TRIM24: variants seen among roughly 807,000 people sequenced by gnomAD.
TRIM24 encodes tripartite motif containing 24, also known as transcription intermediary factor 1-alpha.
A neutral mutation model predicts 123.9 loss-of-function variants in TRIM24; 29 were observed. That is an observed-to-expected ratio of 0.23 (90% CI 0.17 to 0.32). TRIM24 has a LOEUF of 0.32. Among genes scored for constraint, TRIM24 ranks in the 10% least tolerant of loss-of-function variants. The pLI is 1.00. For missense variants in TRIM24, 932 were observed against 1,295.3 expected (o/e 0.72, Z 4.31); for synonymous variants, 456 against 461.1 (o/e 0.99, Z 0.14).
At chr7:138,583,305 G>A (rs1797941448) in intron 17 of TRIM24, among the ~76,000 whole-genome samples, 1 of 152,202 alleles carries the variant, frequency 6.6e-6, no homozygotes, top group African/African-American at 2.4e-5. Context: ...GAGGAAATAT[G>A]TGAAGACAAG....
chr7:138,558,694 C>T (rs1797365945), intron 9 of TRIM24, among the ~76,000 whole-genome samples: 1 of 152,198 alleles, frequency 6.6e-6, no homozygotes, highest in African/African-American at 2.4e-5. Context: ...AGACTGACTT[C>T]TGAGTTTACT....
intron 1 of TRIM24, among the ~76,000 whole-genome samples, chr7:138,501,453 A>G (rs1796037537): frequency 6.6e-6 from 1 of 150,942 alleles, no homozygotes; most frequent in African/African-American, 2.4e-5. Flanking sequence ...CTGGTCTTGA[A>G]CTCCTGACCT....
chr7:138,578,563 T>TGTGTGTGCGCGCGC (rs145011901), intron 14 of TRIM24, among the ~76,000 whole-genome samples: 37 of 145,088 alleles, frequency 2.6e-4, no homozygotes, highest in East Asian at 6.1e-4. Context: ...TGTGTGTGTG[T>TGTGTGTGCGCGCGC]GCGCGCACGC....
At chr7:138,493,753 G>A (rs563989897) in intron 1 of TRIM24, among the ~76,000 whole-genome samples, 1 of 152,218 alleles carries the variant, frequency 6.6e-6, no homozygotes, top group East Asian at 1.9e-4. Context: ...TAGGAACGCT[G>A]TCCCCATGTT....
At chr7:138,566,138 A>G (rs1797530306) in intron 9 of TRIM24, among the ~76,000 whole-genome samples, 1 of 151,918 alleles carries the variant, frequency 6.6e-6, no homozygotes, top group African/African-American at 2.4e-5. Context: ...TCTCTTTTTT[A>G]TTTCTGCTTC....
intron 7 of TRIM24, among the ~76,000 whole-genome samples, chr7:138,545,306 C>T (rs112276078): frequency 5.5e-4 from 84 of 152,184 alleles, no homozygotes; most frequent in Middle Eastern, 3.4e-3. Flanking sequence ...GGAACCGCAA[C>T]AGGCATGAAG....
chr7:138,487,796 C>A (rs1399010262), intron 1 of TRIM24, among the ~76,000 whole-genome samples: 3 of 152,106 alleles, frequency 2.0e-5, no homozygotes, highest in Non-Finnish European at 4.4e-5. Context: ...GGATATTGGT[C>A]TAAAATTCTC....
intron 1 of TRIM24, among the ~76,000 whole-genome samples, chr7:138,461,476 C>A (rs1314691975): frequency 3.9e-5 from 6 of 152,196 alleles, no homozygotes; most frequent in Non-Finnish European, 1.5e-5. Context: ...GTTCCCAGTT[C>A]TCTTCCCTCT....
chr7:138,545,363 TAAG>T (rs950603716), intron 7 of TRIM24: 5 of 454,458 alleles, frequency 1.1e-5, no homozygotes, highest in East Asian at 7.0e-5. Context: ...ACGGAAGTGG[TAAG>T]AAGAATTAGC....
chr7:138,488,341 A>G (rs1254367466), intron 1 of TRIM24, among the ~76,000 whole-genome samples: 1 of 147,798 alleles, frequency 6.8e-6, no homozygotes, highest in Admixed American at 6.7e-5. Context: ...TTGTGTCTCT[A>G]TCTCCTTCAG....
rs761057317 is a variant in TRIM24 at position 138,576,327 on chromosome 7, A to ATAAT, written c.2015-43_2015-40dup. On this transcript the variant is annotated intron_variant, in intron 12 of 18. Transcript: ENST00000343526. ...AACACATTCAACAGGACTTCAATGC[A>ATAAT]TAATTATTCATTCGTTTTATGAATG... 1.9e-6 allele frequency: 3 copies of ATAAT among 1,556,918 alleles called. No homozygotes were observed. The African/African-American group carries it at 4.1e-5, about 21-fold the overall frequency.
chr7:138,553,424 T>G (rs920425940), intron 8 of TRIM24, among the ~76,000 whole-genome samples: 1 of 152,202 alleles, frequency 6.6e-6, no homozygotes, highest in African/African-American at 2.4e-5. Context: ...ATATACCTTC[T>G]TGTCATAGTG....
At chr7:138,564,520 C>T (rs1030542259) in intron 9 of TRIM24, among the ~76,000 whole-genome samples, 5 of 152,202 alleles carry the variant, frequency 3.3e-5, no homozygotes, top group East Asian at 3.8e-4. Context: ...CCGTATTTGC[C>T]AGCAAAGCTG....
rs939318191 is a variant in TRIM24, at chr7:138,589,957, C to G, written c.*5006C>G. ...TAAAAAAATCTTTCCTTGTTAGTTGCAAGTTAAACATTTAATAAAATTATT... is the reference window on the plus strand; with the variant it reads ...TAAAAAAATCTTTCCTTGTTAGTTGGAAGTTAAACATTTAATAAAATTATT... On this transcript the variant is annotated 3_prime_UTR_variant, in exon 19 of 19. Transcript: ENST00000343526. 6.6e-6 allele frequency: 1 copy of G among 152,134 alleles called. No homozygotes were observed. Among genetic ancestry groups the G allele is most frequent in the Non-Finnish European group, 1.5e-5 (1 of 68,022 alleles). 9.4% of individuals were successfully genotyped at this position (152,134 alleles called of 1,614,324 possible).
At chr7:138,508,694 C>T (rs79144020) in intron 2 of TRIM24, among the ~76,000 whole-genome samples, 219 of 30,510 alleles carry the variant, frequency 7.2e-3, no homozygotes, top group East Asian at 0.058. Context: ...TGTGTGTGTG[C>T]GCGCGCGTGT....
intron 7 of TRIM24, among the ~76,000 whole-genome samples, chr7:138,540,047 G>T (rs762104661): frequency 6.6e-6 from 1 of 152,074 alleles, no homozygotes; most frequent in Non-Finnish European, 1.5e-5. Context: ...TGATCCACCC[G>T]CCTTCGCCTC....
At chr7:138,526,035 C>T (rs1378925164) in intron 5 of TRIM24, among the ~76,000 whole-genome samples, 1 of 152,212 alleles carries the variant, frequency 6.6e-6, no homozygotes, top group African/African-American at 2.4e-5. Flanking sequence ...ATTTAATTTA[C>T]ACACCTATGA....
intron 9 of TRIM24, among the ~76,000 whole-genome samples, chr7:138,557,891 A>G (rs1797347729): frequency 6.6e-6 from 1 of 152,204 alleles, no homozygotes; most frequent in Admixed American, 6.5e-5. Context: ...GAGGTACAGT[A>G]TCCATACATT....
chr7:138,538,582 T>G, intron 6 of TRIM24, 75 bp from the exon 7 acceptor site: 1 of 1,461,208 alleles, frequency 6.8e-7, no homozygotes, highest in East Asian at 2.3e-5. Context: ...TATTCTAATT[T>G]GTTTACCTGG....
Sources: allele counts gnomAD v4.1 joint callset (sites outside exome capture counted in the v4.1 genomes callset), GRCh38; gene constraint gnomAD v4.1.1; transcripts MANE v1.5; gene names NCBI Gene and HGNC (gene_info 2026-07-23, HGNC 2026-07-21).